Variants in SLC35F4 observed in about 807,000 individuals in gnomAD.
The protein encoded by SLC35F4 is chromosome 14 open reading frame 36.
In SLC35F4, 24 loss-of-function variants were observed where a neutral mutation model predicts 44.2. The observed-to-expected ratio is 0.54, with a 90% CI of 0.39 to 0.76. The LOEUF (loss-of-function observed/expected upper bound fraction) is 0.76, where lower values mean the gene tolerates loss of function less well. SLC35F4 is among the 30% of genes least tolerant of loss of function. The pLI is 0.00. For missense variants in SLC35F4, 562 were observed against 586.1 expected (o/e 0.96, Z 0.42); for synonymous variants, 238 against 223.6 (o/e 1.06, Z -0.57).
intron 1 of SLC35F4, among the ~76,000 whole-genome samples, chr14:57,931,705 C>T (rs1199919630): frequency 6.6e-6 from 1 of 152,210 alleles, no homozygotes; most frequent in Non-Finnish European, 1.5e-5. Flanking sequence ...ATCTGTGGCT[C>T]CTCCAATCAC....
At chr14:57,893,844 G>A (rs564957018) in intron 1 of SLC35F4, among the ~76,000 whole-genome samples, 1 of 151,176 alleles carries the variant, frequency 6.6e-6, no homozygotes, top group African/African-American at 2.4e-5. Context: ...CTCAAAATAC[G>A]TTCTGAGTAT....
At chr14:57,771,456 G>A (rs1224251036) in intron 1 of SLC35F4, among the ~76,000 whole-genome samples, 1 of 152,162 alleles carries the variant, frequency 6.6e-6, no homozygotes. Context: ...AAAGAAACTA[G>A]CAGGCGATAT....
At chr14:57,866,224 A>C (rs566410677), upstream of SLC35F4, among the ~76,000 whole-genome samples, 70 of 152,210 alleles carry the variant, frequency 4.6e-4, no homozygotes, top group Middle Eastern at 3.4e-3. Context: ...ACCTGATGAA[A>C]GGGATGTTTG....
intron 1 of SLC35F4, among the ~76,000 whole-genome samples, chr14:57,808,099 G>A (rs1881556236): frequency 6.6e-6 from 1 of 151,766 alleles, no homozygotes; most frequent in African/African-American, 2.4e-5. Context: ...GGGATAATGG[G>A]AACTACAATT....
chr14:57,588,624 G>T (rs773156116), intron 3 of SLC35F4, among the ~76,000 whole-genome samples: 1 of 152,182 alleles, frequency 6.6e-6, no homozygotes, highest in Non-Finnish European at 1.5e-5. Flanking sequence ...TTCATGGTTA[G>T]CAAGGAAACA....
At chr14:57,955,058 A>G (rs1376956133) in intron 1 of SLC35F4, among the ~76,000 whole-genome samples, 2 of 152,238 alleles carry the variant, frequency 1.3e-5, no homozygotes, top group East Asian at 3.9e-4. Flanking sequence ...ATACTGGCAA[A>G]CCGAATTCAG....
At chr14:57,680,825 C>A (rs190625579) in intron 1 of SLC35F4, among the ~76,000 whole-genome samples, 143 of 152,102 alleles carry the variant, frequency 9.4e-4, no homozygotes, top group South Asian at 3.1e-3. Context: ...ATGTGAAGGA[C>A]CTCTTCAAAG....
chr14:57,728,842 A>G (rs1439348877), intron 1 of SLC35F4, among the ~76,000 whole-genome samples: 1 of 152,134 alleles, frequency 6.6e-6, no homozygotes, highest in East Asian at 1.9e-4. Flanking sequence ...CTTTTAGGAA[A>G]GGTCTGGTGT....
intron 1 of SLC35F4, among the ~76,000 whole-genome samples, chr14:57,784,952 A>G (rs2077719527): frequency 6.6e-6 from 1 of 152,192 alleles, no homozygotes; most frequent in Admixed American, 6.5e-5. Context: ...TTTTCTTAAT[A>G]ACATTTTTTC....
chr14:57,738,706 T>C (rs2140500738), intron 1 of SLC35F4, among the ~76,000 whole-genome samples: 1 of 147,200 alleles, frequency 6.8e-6, no homozygotes, highest in African/African-American at 2.5e-5. Context: ...CTAAATTTAT[T>C]AGCACCCATA....
At chr14:57,582,107 A>G (rs575126018) in intron 3 of SLC35F4, among the ~76,000 whole-genome samples, 22 of 152,274 alleles carry the variant, frequency 1.4e-4, no homozygotes, top group Admixed American at 3.9e-4. Flanking sequence ...GGTCACTTCA[A>G]TTGTTAAATC....
chr14:57,810,994 T>C (rs1027207528), intron 1 of SLC35F4, among the ~76,000 whole-genome samples: 3 of 152,212 alleles, frequency 2.0e-5, no homozygotes, highest in South Asian at 2.1e-4. Flanking sequence ...TTTGAGACAA[T>C]AAATAAAACA....
intron 7 of SLC35F4, among the ~76,000 whole-genome samples, chr14:57,564,847 G>C (rs921998223): frequency 1.3e-5 from 2 of 152,000 alleles, no homozygotes; most frequent in South Asian, 2.1e-4. Flanking sequence ...CTGGTCCCCA[G>C]ATATCTCCAT....
At chr14:57,728,390 T>TACC (rs2076256972) in intron 1 of SLC35F4, among the ~76,000 whole-genome samples, 1 of 151,682 alleles carries the variant, frequency 6.6e-6, no homozygotes, top group Admixed American at 6.6e-5. Context: ...TGCTTACTGT[T>TACC]ACCAGGGAGT....
At chr14:57,752,375 G>A (rs2076904269) in intron 1 of SLC35F4, among the ~76,000 whole-genome samples, 1 of 151,900 alleles carries the variant, frequency 6.6e-6, no homozygotes. Flanking sequence ...AGCTCCAGCT[G>A]ATTGGAAGAA....
chr14:57,766,468 G>A (rs2077236923), intron 1 of SLC35F4, among the ~76,000 whole-genome samples: 1 of 152,192 alleles, frequency 6.6e-6, no homozygotes, highest in African/African-American at 2.4e-5. Context: ...AGTAGAGTGA[G>A]AATATGGCTC....
intron 1 of SLC35F4, among the ~76,000 whole-genome samples, chr14:57,701,114 G>A (rs1384355321): frequency 6.6e-6 from 1 of 152,048 alleles, no homozygotes; most frequent in African/African-American, 2.4e-5. Context: ...TGGGATTATA[G>A]GCGTAAGCCA....
At chr14:57,799,914 A>G (rs961230677) in intron 1 of SLC35F4, among the ~76,000 whole-genome samples, 4 of 152,124 alleles carry the variant, frequency 2.6e-5, no homozygotes, top group African/African-American at 9.7e-5. Flanking sequence ...CGGTTCAGTC[A>G]ACTCAGCTTT....
At chr14:57,848,382 T>A (rs1886220401) in intron 1 of SLC35F4, among the ~76,000 whole-genome samples, 1 of 152,218 alleles carries the variant, frequency 6.6e-6, no homozygotes. Context: ...CATGGAAGAA[T>A]TGAGTGAATC....
Sources: gnomAD v4.1 joint callset for allele counts (sites outside exome capture counted in the v4.1 genomes callset) on GRCh38, gnomAD v4.1.1 for gene constraint, MANE v1.5 for transcripts, NCBI Gene and HGNC (gene_info 2026-07-23, HGNC 2026-07-21) for gene names.